CORO2B: variants seen among roughly 807,000 people sequenced by gnomAD.
CORO2B encodes the protein coronin 2B.
A neutral mutation model predicts 58.8 loss-of-function variants in CORO2B; 26 were observed. The ratio of observed to expected loss-of-function variants is 0.44; its 90% CI spans 0.32 to 0.61. CORO2B has a LOEUF of 0.61. CORO2B is among the 20% of genes least tolerant of loss of function. CORO2B has a pLI of 0.04. For missense variants in CORO2B, 460 were observed against 645.1 expected (o/e 0.71, Z 3.11); for synonymous variants, 242 against 253.8 (o/e 0.95, Z 0.44).
chr15:68,650,349 C>T (rs1445084254), intron 2 of CORO2B, among the ~76,000 whole-genome samples: 2 of 119,530 alleles, frequency 1.7e-5, no homozygotes, highest in African/African-American at 6.4e-5. Flanking sequence ...AAGAGCGAAA[C>T]TCTGTCTAAA....
At chr15:68,556,622 A>G in the CORO2B span, among the ~76,000 whole-genome samples, 1 of 152,234 alleles carries the variant, frequency 6.6e-6, no homozygotes, top group Non-Finnish European at 1.5e-5. Flanking sequence ...CCCAGTCACA[A>G]ACTCAGGTGT....
intron 5 of CORO2B, 151 bp from the exon 6 acceptor site, chr15:68,713,774 C>G: frequency 1.6e-6 from 1 of 614,798 alleles, no homozygotes; most frequent in Non-Finnish European, 3.0e-6. Context: ...TTAGCTTAAC[C>G]ACATCTGCAA....
chr15:68,575,628 G>A (rs1250754952), upstream of CORO2B, among the ~76,000 whole-genome samples: 1 of 133,218 alleles, frequency 7.5e-6, no homozygotes, highest in Non-Finnish European at 1.5e-5. Context: ...GAGCCAACGC[G>A]CCCAGTGAGA....
At chr15:68,630,408 C>G (rs1388079875) in intron 1 of CORO2B, among the ~76,000 whole-genome samples, 1 of 144,724 alleles carries the variant, frequency 6.9e-6, no homozygotes, top group African/African-American at 2.7e-5. Flanking sequence ...TGAGAGAAAA[C>G]CTCGAAATGA....
intron 1 of CORO2B, among the ~76,000 whole-genome samples, chr15:68,587,867 T>A (rs1899606150): frequency 6.6e-6 from 1 of 152,186 alleles, no homozygotes. Context: ...GCCTTCTGTC[T>A]TGCCACTTTG....
chr15:68,580,366 G>T (rs1378390225), intron 1 of CORO2B, among the ~76,000 whole-genome samples: 1 of 150,508 alleles, frequency 6.6e-6, no homozygotes. Flanking sequence ...GCAGCCCAGA[G>T]TGGGGTCAGA....
chr15:68,592,474 G>C (rs1271581487), intron 1 of CORO2B, among the ~76,000 whole-genome samples: 1 of 152,102 alleles, frequency 6.6e-6, no homozygotes, highest in East Asian at 1.9e-4. Flanking sequence ...AGAAACTTCT[G>C]GAGTGATGGC....
chr15:68,550,772 A>G, the CORO2B span, among the ~76,000 whole-genome samples: 1 of 152,162 alleles, frequency 6.6e-6, no homozygotes, highest in Non-Finnish European at 1.5e-5. Context: ...GAGCCAGAAC[A>G]CATCTGAGAT....
chr15:68,655,592 C>G (rs1901778630), intron 2 of CORO2B, among the ~76,000 whole-genome samples: 1 of 152,190 alleles, frequency 6.6e-6, no homozygotes, highest in Non-Finnish European at 1.5e-5. Flanking sequence ...TGCCCTCAGC[C>G]ACTTCTCAGA....
chr15:68,690,045 G>A (rs1892319775), intron 2 of CORO2B, among the ~76,000 whole-genome samples: 1 of 152,202 alleles, frequency 6.6e-6, no homozygotes, highest in Non-Finnish European at 1.5e-5. Flanking sequence ...TATTAAAAAT[G>A]TATTACTTCC....
intron 6 of CORO2B, 31 bp from the exon 7 acceptor site, chr15:68,714,528 A>G: frequency 6.4e-7 from 1 of 1,568,588 alleles, no homozygotes; most frequent in Non-Finnish European, 8.8e-7. Flanking sequence ...TCCTGCCTGC[A>G]GAGAGGCTGA....
intron 3 of CORO2B, among the ~76,000 whole-genome samples, chr15:68,697,646 G>A (rs543294411): frequency 1.3e-5 from 2 of 152,318 alleles, no homozygotes; most frequent in African/African-American, 2.4e-5. Flanking sequence ...AGTGAAGATG[G>A]TCCATCAGGC....
At chr15:68,539,475 C>G in the CORO2B span, among the ~76,000 whole-genome samples, 16 of 152,026 alleles carry the variant, frequency 1.1e-4, no homozygotes, top group African/African-American at 3.4e-4. Flanking sequence ...GAGCTCCAGA[C>G]AAGCCCGGGC....
Position 68,641,795 on chromosome 15 carries a change from C to T in CORO2B, c.16-3365C>T, listed in dbSNP as rs533202467. On this transcript the variant is annotated intron_variant, in intron 1 of 11. Coordinates refer to ENST00000261861, the MANE Select transcript of CORO2B (RefSeq NM_006091.5). The stretch of plus-strand genomic sequence containing the variant: ...GTGGTAGTGCAGTGGTGCGACTCAG[C>T]CCACTGCAACCTCCACCTCCCAGGC... 4.6e-5 allele frequency among the ~76,000 whole-genome samples: 7 copies of T among 152,188 alleles called. No individual in the cohort carries two copies. In the South Asian group the frequency reaches 1.5e-3, roughly 32 times the overall value.
the CORO2B span, among the ~76,000 whole-genome samples, chr15:68,529,771 A>C: frequency 2.6e-5 from 4 of 152,366 alleles, no homozygotes; most frequent in African/African-American, 9.6e-5. Context: ...TTTCCATTCT[A>C]ATATGAGCAT....
chr15:68,678,875 C>T (rs1437055606), intron 2 of CORO2B, among the ~76,000 whole-genome samples: 2 of 152,144 alleles, frequency 1.3e-5, no homozygotes, highest in African/African-American at 4.8e-5. Flanking sequence ...GAAAATGTAG[C>T]CCCAGGTTAC....
the CORO2B span, among the ~76,000 whole-genome samples, chr15:68,540,835 G>T: frequency 6.6e-6 from 1 of 151,890 alleles, no homozygotes. Flanking sequence ...CCTAATTCAC[G>T]CTAAAAGCAC....
At chr15:68,643,394 G>A (rs932246399) in intron 1 of CORO2B, among the ~76,000 whole-genome samples, 3 of 152,186 alleles carry the variant, frequency 2.0e-5, no homozygotes, top group African/African-American at 7.2e-5. Context: ...GGAAAGGGCA[G>A]TGACCCACCA....
the CORO2B span, among the ~76,000 whole-genome samples, chr15:68,519,908 G>A: frequency 6.6e-6 from 1 of 152,136 alleles, no homozygotes; most frequent in Non-Finnish European, 1.5e-5. Context: ...TCTAATATAA[G>A]TATTTAAAGT....
Sources: allele counts gnomAD v4.1 joint callset (sites outside exome capture counted in the v4.1 genomes callset), GRCh38; gene constraint gnomAD v4.1.1; transcripts MANE v1.5; gene names NCBI Gene and HGNC (gene_info 2026-07-23, HGNC 2026-07-21).